PCDH9: variants seen among roughly 807,000 people sequenced by gnomAD.
PCDH9 encodes the protein protocadherin-9.
In PCDH9, 24 loss-of-function variants were observed where a neutral mutation model predicts 70.6. The observed-to-expected ratio is 0.34, with a 90% CI of 0.25 to 0.48. The LOEUF (loss-of-function observed/expected upper bound fraction) is 0.48. Ranked by LOEUF, PCDH9 falls within the 20% of genes least tolerant of loss-of-function variation. The probability of loss-of-function intolerance (pLI) is 0.99; values close to 1 mark genes in which losing one functional copy is unlikely to be tolerated. For missense variants in PCDH9, 1,281 were observed against 1,503.6 expected (o/e 0.85, Z 2.45); for synonymous variants, 562 against 558.5 (o/e 1.01, Z -0.09).
intron 3 of PCDH9, among the ~76,000 whole-genome samples, chr13:66,769,177 C>T (rs1433461643): frequency 6.6e-6 from 1 of 151,894 alleles, no homozygotes; most frequent in Non-Finnish European, 1.5e-5. Context: ...AGTATTCCCA[C>T]CCTACAGGGT....
chr13:66,704,966 C>A (rs1379757058), intron 3 of PCDH9, among the ~76,000 whole-genome samples: 1 of 151,946 alleles, frequency 6.6e-6, no homozygotes, highest in Non-Finnish European at 1.5e-5. Context: ...TTGTTTTCAT[C>A]AATGCTTAAG....
At chr13:66,987,929 TTGTC>T (rs1471737948) in intron 2 of PCDH9, among the ~76,000 whole-genome samples, 3 of 152,078 alleles carry the variant, frequency 2.0e-5, no homozygotes, top group Admixed American at 6.6e-5. Flanking sequence ...GACAGGGTCT[TTGTC>T]TGTTTCCCAG....
At chr13:66,732,824 TC>T (rs897429429) in intron 3 of PCDH9, among the ~76,000 whole-genome samples, 11 of 151,950 alleles carry the variant, frequency 7.2e-5, no homozygotes, top group Non-Finnish European at 1.5e-4. Context: ...TTCAAAATAT[TC>T]CCCAACCTGG....
chr13:67,091,437 T>G (rs2086216138), intron 2 of PCDH9, among the ~76,000 whole-genome samples: 1 of 152,196 alleles, frequency 6.6e-6, no homozygotes, highest in South Asian at 2.1e-4. Context: ...TTTTCATGTT[T>G]CATTGAATAT....
chr13:67,112,418 T>C (rs948426559), intron 2 of PCDH9, among the ~76,000 whole-genome samples: 1 of 152,190 alleles, frequency 6.6e-6, no homozygotes, highest in Non-Finnish European at 1.5e-5. Flanking sequence ...CCTGAACAGA[T>C]ACATTCCACT....
At chr13:66,860,104 C>A (rs960154522) in intron 3 of PCDH9, among the ~76,000 whole-genome samples, 1 of 152,134 alleles carries the variant, frequency 6.6e-6, no homozygotes, top group African/African-American at 2.4e-5. Flanking sequence ...GAGTCAAGGA[C>A]GCCAGAGCAA....
chr13:66,629,950 C>G (rs2077547803), intron 4 of PCDH9, among the ~76,000 whole-genome samples: 1 of 152,134 alleles, frequency 6.6e-6, no homozygotes, highest in Admixed American at 6.6e-5. Context: ...ACACAACTGG[C>G]TAAGAAAGCC....
At chr13:67,146,597 A>G (rs1383213123) in intron 2 of PCDH9, among the ~76,000 whole-genome samples, 2 of 152,190 alleles carry the variant, frequency 1.3e-5, no homozygotes, top group Admixed American at 6.6e-5. Flanking sequence ...GTGCACAAAA[A>G]TATGCATGGA....
At chr13:67,035,453 T>G (rs1235736707) in intron 2 of PCDH9, among the ~76,000 whole-genome samples, 4 of 152,030 alleles carry the variant, frequency 2.6e-5, no homozygotes, top group Non-Finnish European at 5.9e-5. Flanking sequence ...CACTTACAGC[T>G]GTTCATCATA....
intron 4 of PCDH9, among the ~76,000 whole-genome samples, chr13:66,609,029 T>C (rs1284072885): frequency 6.6e-6 from 1 of 152,208 alleles, no homozygotes; most frequent in Admixed American, 6.5e-5. Flanking sequence ...GATCTTCAAA[T>C]GGGTGTCAGG....
At chr13:67,208,097 C>T (rs2089393640) in intron 2 of PCDH9, 2 of 152,002 alleles carry the variant, frequency 1.3e-5, no homozygotes, top group Non-Finnish European at 2.9e-5. Context: ...CTGTATTGTC[C>T]CTGGAATGCT....
chr13:67,164,747 C>G (rs966543594), intron 2 of PCDH9, among the ~76,000 whole-genome samples: 2 of 152,074 alleles, frequency 1.3e-5, no homozygotes, highest in Non-Finnish European at 2.9e-5. Context: ...GAGCAAATTG[C>G]TCTTCACAGC....
chr13:66,954,531 T>C (rs144876116), intron 2 of PCDH9, among the ~76,000 whole-genome samples: 228 of 152,286 alleles, frequency 1.5e-3, no homozygotes, highest in African/African-American at 5.4e-3. Context: ...AAACACTACC[T>C]TGAATGATCA....
chr13:67,048,869 C>T (rs8002736), intron 2 of PCDH9, among the ~76,000 whole-genome samples: 7 of 152,064 alleles, frequency 4.6e-5, no homozygotes, highest in African/African-American at 1.7e-4. Flanking sequence ...TCTGTTATAC[C>T]GGCAGGCAAA....
intron 4 of PCDH9, among the ~76,000 whole-genome samples, chr13:66,381,196 G>A: frequency 6.6e-6 from 1 of 152,078 alleles, no homozygotes; most frequent in East Asian, 1.9e-4. Flanking sequence ...TTCAATCAGG[G>A]CTTCAACTTT....
intron 3 of PCDH9, among the ~76,000 whole-genome samples, chr13:66,744,106 AATT>A (rs1203654684): frequency 6.6e-6 from 1 of 152,176 alleles, no homozygotes; most frequent in Non-Finnish European, 1.5e-5. Flanking sequence ...TCATGACTGG[AATT>A]AGAGAGCCCC....
rs184727939 is a variant in PCDH9 at position 66,931,730 on chromosome 13, A to G, written c.3037-28125T>C. The stretch of plus-strand genomic sequence containing the variant: ...GCCTGTGTCAAGTCCTCAACACCTG[A>G]TATCATCAGCCATCGATTCTCTTAA... On this transcript the variant is annotated intron_variant, in intron 2 of 4. Coordinates refer to ENST00000377865, the MANE Select transcript of PCDH9 (RefSeq NM_203487.3). 2.9e-4 allele frequency among the ~76,000 whole-genome samples: 44 copies of G among 152,188 alleles called. 2 individuals carry two copies. The East Asian group carries it at 7.2e-3, about 25-fold the overall frequency.
intron 3 of PCDH9, among the ~76,000 whole-genome samples, chr13:66,760,314 AAT>A (rs1220943008): frequency 6.6e-6 from 1 of 152,028 alleles, no homozygotes; most frequent in Non-Finnish European, 1.5e-5. Context: ...TTTTGATTAT[AAT>A]ATGTCTTGAG....
At chr13:67,123,397 C>T (rs184893176) in intron 2 of PCDH9, among the ~76,000 whole-genome samples, 43 of 152,298 alleles carry the variant, frequency 2.8e-4, no homozygotes, top group African/African-American at 9.4e-4. Flanking sequence ...CAACTCTATT[C>T]ACACGTTTAA....
Sources: allele counts gnomAD v4.1 joint callset (sites outside exome capture counted in the v4.1 genomes callset), GRCh38; gene constraint gnomAD v4.1.1; transcripts MANE v1.5; gene names NCBI Gene and HGNC (gene_info 2026-07-23, HGNC 2026-07-21).